RBMS1: variants seen among roughly 807,000 people sequenced by gnomAD.
RBMS1 encodes RNA-binding motif, single-stranded-interacting protein 1.
Under a neutral mutation model 62.3 loss-of-function variants are expected in RBMS1, and 17 were observed. That is an observed-to-expected ratio of 0.27 (90% CI 0.19 to 0.41). The LOEUF (loss-of-function observed/expected upper bound fraction) is 0.41. RBMS1 is among the 10% of genes least tolerant of loss of function. The pLI is 1.00. For missense variants in RBMS1, 334 were observed against 504.5 expected (o/e 0.66, Z 3.24); for synonymous variants, 172 against 170.0 (o/e 1.01, Z -0.09).
intron 6 of RBMS1, among the ~76,000 whole-genome samples, chr2:160,297,598 G>C (rs1367971167): frequency 6.6e-6 from 1 of 152,242 alleles, no homozygotes; most frequent in Non-Finnish European, 1.5e-5. Flanking sequence ...ACACACGGAG[G>C]TGTCCTCAAG....
intron 2 of RBMS1, among the ~76,000 whole-genome samples, chr2:160,348,069 GA>G: frequency 6.6e-6 from 1 of 151,922 alleles, no homozygotes; most frequent in East Asian, 1.9e-4. Flanking sequence ...TTTATTACCG[GA>G]AAAAGTTTTC....
chr2:160,393,167 A>C (rs1242512579), intron 1 of RBMS1, among the ~76,000 whole-genome samples: 1 of 152,208 alleles, frequency 6.6e-6, no homozygotes, highest in Non-Finnish European at 1.5e-5. Context: ...GCCCATTGAG[A>C]ACTCTGTTTC....
In RBMS1 at chr2:160,273,310, T is replaced by G. The variant is rs764529337; in HGVS notation, c.*1462A>C. Reference sequence around the variant, plus strand: ...TTGTTTGTGTGTGTCCATACATCAATTAAAATTATAAAACCTAAATGCAAA... The same window carrying G: ...TTGTTTGTGTGTGTCCATACATCAAGTAAAATTATAAAACCTAAATGCAAA... On this transcript the variant is annotated 3_prime_UTR_variant, in exon 14 of 14. Coordinates refer to ENST00000348849, the MANE Select transcript of RBMS1 (RefSeq NM_016836.4). 1.3e-5 allele frequency: 2 copies of G among 152,172 alleles called. No homozygotes were observed. 9.4% of individuals were successfully genotyped at this position (152,172 alleles called of 1,614,324 possible).
chr2:160,286,303 CTTT>C (rs1221643184), intron 7 of RBMS1, among the ~76,000 whole-genome samples: 1 of 122,464 alleles, frequency 8.2e-6, no homozygotes, highest in African/African-American at 3.1e-5. Flanking sequence ...TTCTTCCTTT[CTTT>C]TTTTTTTTTT....
chr2:160,380,160 T>C (rs79363086), intron 1 of RBMS1, among the ~76,000 whole-genome samples: 3,217 of 152,136 alleles, frequency 0.021, 118 homozygotes, highest in African/African-American at 0.072. Context: ...AATGACACCA[T>C]CTCTCCTCAC....
intron 1 of RBMS1, among the ~76,000 whole-genome samples, chr2:160,457,068 T>A (rs2105327176): frequency 1.3e-5 from 2 of 151,972 alleles, no homozygotes; most frequent in South Asian, 4.2e-4. Flanking sequence ...AGCAGTAGTA[T>A]CCTCATTTTA....
intron 1 of RBMS1, 35 bp from the exon 2 acceptor site, chr2:160,367,426 G>A: frequency 1.2e-6 from 2 of 1,608,892 alleles, no homozygotes; most frequent in Non-Finnish European, 1.7e-6. Context: ...TAGTATGCTA[G>A]CATTAGGAGG....
intron 1 of RBMS1, among the ~76,000 whole-genome samples, chr2:160,421,296 C>A (rs184748646): frequency 4.6e-5 from 7 of 151,990 alleles, no homozygotes; most frequent in South Asian, 4.1e-4. Context: ...TTCCCTCCCC[C>A]CTTCCCCCAC....
At chr2:160,278,520 A>C (rs1687948555) in intron 11 of RBMS1, 28 bp downstream of exon 11, 2 of 1,556,422 alleles carry the variant, frequency 1.3e-6, no homozygotes, top group Admixed American at 3.4e-5. Flanking sequence ...CTGTTTACAG[A>C]GACACATGAT....
intron 1 of RBMS1, among the ~76,000 whole-genome samples, chr2:160,452,303 A>G (rs1684025281): frequency 6.6e-6 from 1 of 152,202 alleles, no homozygotes; most frequent in South Asian, 2.1e-4. Flanking sequence ...GCTAATAAGT[A>G]CAGTCATTCC....
intron 1 of RBMS1, among the ~76,000 whole-genome samples, chr2:160,382,575 T>C (rs1225333339): frequency 2.6e-5 from 4 of 152,242 alleles, no homozygotes; most frequent in East Asian, 3.8e-4. Context: ...TTCAAGAAGA[T>C]GTAATCACTT....
chr2:160,443,955 G>C (rs1315674819), intron 1 of RBMS1, among the ~76,000 whole-genome samples: 1 of 152,172 alleles, frequency 6.6e-6, no homozygotes, highest in Non-Finnish European at 1.5e-5. Flanking sequence ...TTTCTGGTAA[G>C]ATGTCAACTG....
chr2:160,426,910 T>C (rs1297155018), intron 1 of RBMS1, among the ~76,000 whole-genome samples: 1 of 152,192 alleles, frequency 6.6e-6, no homozygotes, highest in African/African-American at 2.4e-5. Context: ...GGCAACTTAG[T>C]GGTTTGGTCA....
rs1266999892 is a variant in RBMS1 at position 160,272,377 on chromosome 2, T to C, written c.*2395A>G. ...ATTAACTCTCTTGATCATATAGATA[T>C]CTCTATGAAAATCTTTTTTTTTCAA... On this transcript the variant is annotated 3_prime_UTR_variant, in exon 14 of 14. Coordinates refer to ENST00000348849, the MANE Select transcript of RBMS1 (RefSeq NM_016836.4). 6.6e-6 allele frequency: 1 copy of C among 152,014 alleles called. No homozygotes were observed. The highest frequency in any genetic ancestry group is 1.5e-5 in the Non-Finnish European group (1 of 67,984). The allele number at this position is 152,014 out of a possible 1,614,324, so 9.4% of individuals were successfully genotyped here. A position where few individuals can be genotyped will look rare whatever the true frequency, so the allele number is the denominator to read the frequency against.
intron 1 of RBMS1, among the ~76,000 whole-genome samples, chr2:160,450,903 TGGCTCACGTC>T (rs1325946080): frequency 2.6e-5 from 4 of 152,186 alleles, no homozygotes; most frequent in Non-Finnish European, 5.9e-5. Context: ...ACAGGTGCAG[TGGCTCACGTC>T]TGTAATCCCA....
intron 2 of RBMS1, among the ~76,000 whole-genome samples, chr2:160,341,561 C>T (rs1691876251): frequency 6.6e-6 from 1 of 151,802 alleles, no homozygotes; most frequent in South Asian, 2.1e-4. Flanking sequence ...AATTCAGGGC[C>T]CAGAAAGGAA....
At chr2:160,400,257 G>A (rs575400710) in intron 1 of RBMS1, among the ~76,000 whole-genome samples, 8 of 151,654 alleles carry the variant, frequency 5.3e-5, no homozygotes, top group African/African-American at 7.3e-5. Flanking sequence ...CCCACTGCAC[G>A]GCCCTTTCAA....
chr2:160,418,187 G>A (rs1696280026), intron 1 of RBMS1, among the ~76,000 whole-genome samples: 1 of 152,158 alleles, frequency 6.6e-6, no homozygotes, highest in Non-Finnish European at 1.5e-5. Flanking sequence ...CATACCTTGA[G>A]AACATGAATA....
At chr2:160,382,596 C>A (rs932613383) in intron 1 of RBMS1, among the ~76,000 whole-genome samples, 1 of 152,188 alleles carries the variant, frequency 6.6e-6, no homozygotes, top group African/African-American at 2.4e-5. Flanking sequence ...TGGGATCCTC[C>A]TGCCTTTGGT....
Sources: allele counts gnomAD v4.1 joint callset (sites outside exome capture counted in the v4.1 genomes callset), GRCh38; gene constraint gnomAD v4.1.1; transcripts MANE v1.5; gene names NCBI Gene and HGNC (gene_info 2026-07-23, HGNC 2026-07-21).